The following SUGP1 variants were observed in gnomAD, a reference collection of about 807,000 sequenced individuals.
SUGP1 encodes SURP and G-patch domain containing 1.
A neutral mutation model predicts 76.5 loss-of-function variants in SUGP1; 34 were observed. That is an observed-to-expected ratio of 0.44 (90% CI 0.34 to 0.59). SUGP1 has a LOEUF of 0.59. Among genes scored for constraint, SUGP1 ranks in the 20% least tolerant of loss-of-function variants. The pLI is 0.01. For missense variants in SUGP1, 752 were observed against 851.7 expected (o/e 0.88, Z 1.46); for synonymous variants, 326 against 326.2 (o/e 1.00, Z 0.01).
At position 19,279,664 on chromosome 19, in the gene SUGP1, C is replaced by T. The variant is rs1345152157; in HGVS notation, c.1351-274G>A. ...GGTCAAGGGTGATGTGACGGGGCTG[C>T]GGGCCTGGAGGAGGGGTCACAGCGA... On this transcript the variant is annotated intron_variant, in intron 9 of 13. Coordinates refer to ENST00000247001, the MANE Select transcript of SUGP1 (RefSeq NM_172231.4). Among the ~76,000 whole-genome samples, 5 of 152,154 alleles carry T rather than the reference C, an allele frequency of 3.3e-5. 1 individual carries two copies. Among genetic ancestry groups the T allele is most frequent in the Non-Finnish European group, 2.9e-5 (2 of 68,010 alleles).
intron 3 of SUGP1, among the ~76,000 whole-genome samples, 192 bp from the exon 4 acceptor site, chr19:19,306,268 C>T (rs2061317378): frequency 2.0e-5 from 3 of 152,094 alleles, no homozygotes; most frequent in Non-Finnish European, 4.4e-5. Context: ...CGTTGTGGTC[C>T]CCCAGCCAGA....
chr19:19,309,911 CA>C (rs942765209), intron 3 of SUGP1, among the ~76,000 whole-genome samples, 185 bp downstream of exon 3: 2 of 149,604 alleles, frequency 1.3e-5, no homozygotes, highest in East Asian at 3.9e-4. Flanking sequence ...GACTCCGTCT[CA>C]AAAAAAAAAT....
chr19:19,297,235 C>G lies in SUGP1; in HGVS notation c.997G>C (p.Gly333Arg), dbSNP rs147240341. 1.1e-4 allele frequency: 170 copies of G among 1,594,418 alleles called. No homozygotes were observed. Among genetic ancestry groups the G allele is most frequent in the Non-Finnish European group, 1.4e-4 (162 of 1,166,304 alleles). Residue 333 changes from glycine to arginine, a missense_variant, in exon 8 of 14, where the codon GGC becomes CGC. Gly to Arg is a moderately radical substitution (Grantham distance 125, BLOSUM62 -2). Transcript: ENST00000247001. The stretch of plus-strand genomic sequence containing the variant: ...TCAGGAGGGGACTTGCGCTTCAGGC[C>G]GGGATCAGGTGCTGTGAAGCTGCCT... Reference protein sequence around the residue: ...STGSFTAPDPGLKRKSPPEAL... With the variant: ...STGSFTAPDPRLKRKSPPEAL...
intron 13 of SUGP1, 89 bp downstream of exon 13, chr19:19,276,858 G>A (rs1291147174): frequency 6.3e-7 from 1 of 1,579,008 alleles, no homozygotes; most frequent in Non-Finnish European, 8.6e-7. Context: ...ACCCAGCCTG[G>A]CTGGACTGAG....
intron 8 of SUGP1, among the ~76,000 whole-genome samples, chr19:19,287,917 C>T (rs1193125840): frequency 6.6e-6 from 1 of 152,168 alleles, no homozygotes; most frequent in Non-Finnish European, 1.5e-5. Flanking sequence ...GCCTGTCTCT[C>T]CTTCCACCTC....
At chr19:19,294,796 CA>C (rs879918829) in intron 8 of SUGP1, among the ~76,000 whole-genome samples, 67 of 113,522 alleles carry the variant, frequency 5.9e-4, no homozygotes, top group Admixed American at 8.9e-4. Context: ...GCCTTCAGTT[CA>C]AAAAAAAAAA....
intron 3 of SUGP1, among the ~76,000 whole-genome samples, chr19:19,307,046 C>T (rs2061323001): frequency 6.6e-6 from 1 of 151,756 alleles, no homozygotes; most frequent in African/African-American, 2.4e-5. Context: ...TTGGGGACCT[C>T]ATCTTTTTTT....
intron 7 of SUGP1, 160 bp downstream of exon 7, chr19:19,302,105 G>A: frequency 2.6e-6 from 3 of 1,146,540 alleles, no homozygotes; most frequent in Non-Finnish European, 3.7e-6. Flanking sequence ...ACATGCCTGT[G>A]GGGAGGCAGA....
At chr19:19,280,741 T>C (rs1222812454) in intron 8 of SUGP1, 1 of 160,430 alleles carries the variant, frequency 6.2e-6, no homozygotes, top group Non-Finnish European at 1.4e-5. Context: ...AGATTCAGAG[T>C]CTGGCGTAAG....
intron 2 of SUGP1, among the ~76,000 whole-genome samples, chr19:19,313,775 G>A (rs542469004): frequency 6.6e-6 from 1 of 152,164 alleles, no homozygotes; most frequent in Non-Finnish European, 1.5e-5. Context: ...GGCAGAGGCG[G>A]GTAGGTCACC....
At chr19:19,312,414 T>C (rs1405134717) in intron 2 of SUGP1, among the ~76,000 whole-genome samples, 2 of 152,172 alleles carry the variant, frequency 1.3e-5, no homozygotes, top group African/African-American at 2.4e-5. Context: ...TAGCACACCA[T>C]CCTGCTCCAA....
chr19:19,318,462 T>C (rs754023173), intron 1 of SUGP1, among the ~76,000 whole-genome samples: 1 of 151,558 alleles, frequency 6.6e-6, no homozygotes, highest in Non-Finnish European at 1.5e-5. Context: ...AGGGTCTCGC[T>C]GAGTTGCCCA....
chr19:19,282,940 G>A (rs1042608023), intron 8 of SUGP1, among the ~76,000 whole-genome samples: 3 of 152,106 alleles, frequency 2.0e-5, no homozygotes, highest in Admixed American at 6.6e-5. Flanking sequence ...AGCCAGGCGT[G>A]GTGGCAGGCG....
Position 19,305,988 on chromosome 19 carries a change from G to A in SUGP1, c.399C>T (p.Gly133=). 1 of 1,611,660 alleles carries A rather than the reference G, an allele frequency of 6.2e-7. No individual in the cohort carries two copies. Among genetic ancestry groups the A allele is most frequent in the Non-Finnish European group, 8.5e-7 (1 of 1,179,696 alleles). The change falls in exon 4 of 14, where the codon GGC becomes GGT. Residue 133 remains glycine (G), a synonymous_variant. Coordinates refer to ENST00000247001, the MANE Select transcript of SUGP1 (RefSeq NM_172231.4). The part of the protein sequence containing the change: ...KRSLLISRRT[G]LGLASLPGPV... ...GGCCCGGCAGGCTGGCCAGCCCCAG[G>A]CCTGTCCGCCTGCTGATGAGCAGGG... is the stretch of plus-strand genomic sequence containing the variant.
chr19:19,299,027 G>C (rs1182854496), intron 7 of SUGP1, among the ~76,000 whole-genome samples: 4 of 152,206 alleles, frequency 2.6e-5, no homozygotes, highest in Non-Finnish European at 5.9e-5. Flanking sequence ...ACGGCTGGGT[G>C]CACCACCAAG....
At chr19:19,284,518 G>GCC (rs1308702605) in intron 8 of SUGP1, among the ~76,000 whole-genome samples, 2 of 151,962 alleles carry the variant, frequency 1.3e-5, no homozygotes, top group Non-Finnish European at 2.9e-5. Flanking sequence ...TATGTCAACA[G>GCC]GTGTGAAAAC....
rs2061235615 is a variant in SUGP1, at chr19:19,297,349, A to G, written c.888-5T>C. 6.6e-7 allele frequency: 1 copy of G among 1,510,844 alleles called. No individual in the cohort carries two copies. The allele number at this position is 1,510,844 out of a possible 1,614,324, so 93.6% of individuals were successfully genotyped here. Reference sequence around the variant, plus strand: ...CTATTGGGCTCATACAGAAAGCTGCAAAGGAGAGTTGGGGGGTGCAGTGTC... The same window carrying G: ...CTATTGGGCTCATACAGAAAGCTGCGAAGGAGAGTTGGGGGGTGCAGTGTC... On this transcript the variant is annotated splice_region_variant and splice_polypyrimidine_tract_variant and intron_variant, in intron 7 of 13. Transcript: ENST00000247001.
At position 19,288,514 on chromosome 19, in the gene SUGP1, G is replaced by A. The variant is rs74386523; in HGVS notation, c.1244-8223C>T. On this transcript the variant is annotated intron_variant, in intron 8 of 13. Coordinates refer to ENST00000247001, the MANE Select transcript of SUGP1 (RefSeq NM_172231.4). ...GTTTTTGGGGAGTCAAAAGTTACAT[G>A]TAGAGGCTGAGGTGGGCAGACCACT... Among the ~76,000 whole-genome samples the A allele has an allele frequency of 7.8e-3, 1,182 of 152,212 alleles. 19 individuals are homozygous for A. The highest frequency in any genetic ancestry group is 0.028 in the African/African-American group (1,145 of 41,532).
At chr19:19,305,824 G>C (rs758438434) in intron 4 of SUGP1, 25 bp downstream of exon 4, 12 of 1,565,348 alleles carry the variant, frequency 7.7e-6, no homozygotes, top group Middle Eastern at 3.4e-4. Flanking sequence ...CTGGTGGTGG[G>C]GGAGCAGCAG....
Sources: allele counts gnomAD v4.1 joint callset (sites outside exome capture counted in the v4.1 genomes callset), GRCh38; gene constraint gnomAD v4.1.1; transcripts MANE v1.5; gene names NCBI Gene and HGNC (gene_info 2026-07-23, HGNC 2026-07-21).